The following BCL11B variants were observed in gnomAD, a reference collection of about 807,000 sequenced individuals.
BCL11B encodes BCL11 transcription factor B.
In BCL11B, 8 loss-of-function variants were observed where a neutral mutation model predicts 49.9. The observed-to-expected ratio is 0.16, with a 90% CI of 0.09 to 0.29. The LOEUF (loss-of-function observed/expected upper bound fraction) is 0.29, where lower values mean the gene tolerates loss of function less well. BCL11B is among the 10% of genes least tolerant of loss of function. The pLI, the probability that BCL11B is intolerant of heterozygous loss-of-function variation, is 1.00. For synonymous variants in BCL11B, 739 were observed against 637.4 expected (o/e 1.16, Z -2.40); for missense variants, 1,006 against 1,351.0 (o/e 0.74, Z 4.00).
Position 99,217,477 on chromosome 14 carries a change from C to T in BCL11B, c.640+13868G>A, listed in dbSNP as rs183043261. Among the ~76,000 whole-genome samples the T allele has an allele frequency of 7.4e-4, 113 of 151,926 alleles. 1 individual carries two copies. The highest frequency in any genetic ancestry group is 1.3e-3 in the Non-Finnish European group (90 of 67,986). The stretch of plus-strand genomic sequence containing the variant: ...ACCCTGGCAGAGGCAATGGGAAAAA[C>T]CAGGGAGAAAATTACATGAGGCAAT... On this transcript the variant is annotated intron_variant, in intron 3 of 3. Transcript: ENST00000357195.
intron 2 of BCL11B, among the ~76,000 whole-genome samples, chr14:99,237,799 G>C (rs754224900): frequency 2.0e-5 from 3 of 152,214 alleles, no homozygotes; most frequent in Admixed American, 2.0e-4. Flanking sequence ...GCGGCTAGCT[G>C]AAAGACAGCA....
chr14:99,231,702 G>T lies in BCL11B; in HGVS notation c.428-145C>A. ...CCCCCGGGGTGCCAGGCCCTGCAGG[G>T]AAGGCAATCGGGACACAGGCGAGGG... On this transcript the variant is annotated intron_variant, in intron 2 of 3. Coordinates refer to ENST00000357195, the MANE Select transcript of BCL11B (RefSeq NM_138576.4). This position sits in a 1 kb window ranked among gnomAD's most constrained non-coding sequence, Gnocchi z 8.1. The T allele has an allele frequency of 4.0e-6, 3 of 756,172 alleles. No individual in the cohort carries two copies. Among genetic ancestry groups the T allele is most frequent in the Non-Finnish European group, 6.2e-6 (3 of 483,858 alleles). 46.8% of individuals were successfully genotyped at this position (756,172 alleles called of 1,614,324 possible).
At chr14:99,191,981 A>AT (rs925855631) in intron 3 of BCL11B, among the ~76,000 whole-genome samples, 4 of 152,146 alleles carry the variant, frequency 2.6e-5, no homozygotes, top group Non-Finnish European at 4.4e-5. Context: ...AGCTTAAGTG[A>AT]TTTTTTTAAA....
chr14:99,271,300 G>T lies in BCL11B; in HGVS notation c.-82C>A. 1 of 818,284 alleles carries T rather than the reference G, an allele frequency of 1.2e-6. No homozygotes were observed. Among genetic ancestry groups the T allele is most frequent in the South Asian group, 5.2e-5 (1 of 19,062 alleles). The allele number at this position is 818,284 out of a possible 1,614,324, so 50.7% of individuals were successfully genotyped here. ...GGGAGGGGGTCCGAGCCGCCGCCGC[G>T]CCGCTGCCGCCGCTGCCGCCGCCGC... is the stretch of plus-strand genomic sequence containing the variant. On this transcript the variant is annotated 5_prime_UTR_variant, in exon 1 of 4. Transcript: ENST00000357195.
intron 1 of BCL11B, among the ~76,000 whole-genome samples, chr14:99,258,063 G>A (rs919449950): frequency 6.6e-6 from 1 of 152,176 alleles, no homozygotes; most frequent in African/African-American, 2.4e-5. Context: ...TGCCCCCTGG[G>A]CATTGCCACG....
At chr14:99,190,375 G>A (rs1390426610) in intron 3 of BCL11B, among the ~76,000 whole-genome samples, 1 of 152,240 alleles carries the variant, frequency 6.6e-6, no homozygotes, top group African/African-American at 2.4e-5. Context: ...TGTAGTCCCA[G>A]CTACCTGGGG....
At chr14:99,261,721 T>C (rs1406840139) in intron 1 of BCL11B, among the ~76,000 whole-genome samples, 2 of 152,204 alleles carry the variant, frequency 1.3e-5, no homozygotes, top group African/African-American at 4.8e-5. Context: ...CTCAATATAT[T>C]ATGAGCCGAA....
chr14:99,221,214 A>G (rs1457983164), intron 3 of BCL11B, among the ~76,000 whole-genome samples: 1 of 152,186 alleles, frequency 6.6e-6, no homozygotes, highest in Non-Finnish European at 1.5e-5. Context: ...AATAAAACCC[A>G]AGGAAATTCA....
chr14:99,175,207 C>A lies in BCL11B; in HGVS notation c.1629G>T (p.Glu543Asp). The A allele has an allele frequency of 1.8e-6, 2 of 1,113,108 alleles. No individual in the cohort carries two copies. Among genetic ancestry groups the A allele is most frequent in the African/African-American group, 1.6e-5 (1 of 61,978 alleles). 69.0% of individuals were successfully genotyped at this position (1,113,108 alleles called of 1,614,324 possible). The change falls in exon 4 of 4, where the codon GAG (glutamate) becomes GAT (aspartate). Residue 543 changes from glutamate (E) to aspartate (D), a missense_variant. Physicochemically the swap from Glu to Asp is conservative, Grantham distance 45. This residue lies in a region of BCL11B where 443 missense variants were observed against 499.7 expected (regional missense o/e 0.89). Transcript: ENST00000357195. ...GCCGGCTCTCGTTCTCCAGTAGCAG[C>A]TCCTCCTCCTCCTCCTCCTCCTCCT... ...EDEEEEEEEE[E>D]LLLENESRPE... is the part of the protein sequence containing the mutation.
intron 2 of BCL11B, among the ~76,000 whole-genome samples, chr14:99,249,382 T>A (rs1166148268): frequency 6.6e-6 from 1 of 152,204 alleles, no homozygotes; most frequent in Non-Finnish European, 1.5e-5. Flanking sequence ...TTGCTGCACC[T>A]ACCAACCCAT....
At chr14:99,255,582 T>C (rs888876559) in intron 2 of BCL11B, among the ~76,000 whole-genome samples, 7 of 152,130 alleles carry the variant, frequency 4.6e-5, no homozygotes, top group Non-Finnish European at 1.0e-4. Context: ...CAATGTGAAA[T>C]GAGGATTTGG....
Position 99,241,882 on chromosome 14 carries a change from G to A in BCL11B, c.428-10325C>T, listed in dbSNP as rs1310032935. ...TGGGCATGTGGTCAAAAGCAGGTAG[G>A]AAGCAAATGCTGAGAAATAAGGAAG... On this transcript the variant is annotated intron_variant, in intron 2 of 3. Coordinates refer to ENST00000357195, the MANE Select transcript of BCL11B (RefSeq NM_138576.4). The surrounding 1 kb of genome is among the most constrained non-coding windows in gnomAD (Gnocchi z 4.4). Among the ~76,000 whole-genome samples, 3 of 152,172 alleles carry A rather than the reference G, an allele frequency of 2.0e-5. No homozygotes were observed. The highest frequency in any genetic ancestry group is 4.4e-5 in the Non-Finnish European group (3 of 68,038).
chr14:99,247,685 TG>T lies in BCL11B; in HGVS notation c.427+9785del, dbSNP rs1444925071. On this transcript the variant is annotated intron_variant, in intron 2 of 3. Coordinates refer to ENST00000357195, the MANE Select transcript of BCL11B (RefSeq NM_138576.4). The surrounding 1 kb of genome is among the most constrained non-coding windows in gnomAD (Gnocchi z 4.5). Reference sequence around the variant, plus strand: ...GACGCGTGTTTTCTGGACACTCTTGTGGATTGGACGGATGGCTTCATCTGTG... The same window carrying T: ...GACGCGTGTTTTCTGGACACTCTTGTGATTGGACGGATGGCTTCATCTGTG... Among the ~76,000 whole-genome samples, 1 of 152,238 alleles carries T rather than the reference TG, an allele frequency of 6.6e-6. No individual in the cohort carries two copies. The highest frequency in any genetic ancestry group is 1.5e-5 in the Non-Finnish European group (1 of 68,034).
intron 2 of BCL11B, among the ~76,000 whole-genome samples, chr14:99,249,917 C>T (rs998431448): frequency 2.6e-5 from 4 of 151,950 alleles, no homozygotes; most frequent in Admixed American, 6.6e-5. Context: ...CACCTGAATA[C>T]AGGAGTTTGA....
chr14:99,206,260 T>C (rs149048526), intron 3 of BCL11B, among the ~76,000 whole-genome samples: 1 of 152,292 alleles, frequency 6.6e-6, no homozygotes, highest in East Asian at 1.9e-4. Context: ...TAAAGTTTTA[T>C]TGAAACAACA....
At chr14:99,180,702 G>C (rs1339176543) in intron 3 of BCL11B, among the ~76,000 whole-genome samples, 1 of 152,132 alleles carries the variant, frequency 6.6e-6, no homozygotes, top group Admixed American at 6.6e-5. Context: ...GTTACGATGG[G>C]GTTTGCACGT....
intron 2 of BCL11B, among the ~76,000 whole-genome samples, chr14:99,245,597 G>A (rs937180780): frequency 1.3e-5 from 2 of 152,214 alleles, no homozygotes; most frequent in Non-Finnish European, 2.9e-5. Context: ...CACTCATCAG[G>A]GCAATGGCGG....
intron 3 of BCL11B, among the ~76,000 whole-genome samples, chr14:99,191,144 T>C (rs1887017050): frequency 6.6e-6 from 1 of 152,138 alleles, no homozygotes; most frequent in Admixed American, 6.5e-5. Context: ...AACTGAGGGT[T>C]GTTTTGCCCC....
At position 99,175,582 on chromosome 14, in the gene BCL11B, C is replaced by A. The variant is rs370633683; in HGVS notation, c.1254G>T (p.Pro418=). The A allele has an allele frequency of 1.9e-6, 3 of 1,581,784 alleles. No homozygotes were observed. Among genetic ancestry groups the A allele is most frequent in the South Asian group, 2.3e-5 (2 of 88,140 alleles). The change falls in exon 4 of 4, where the codon CCG becomes CCT. Residue 418 remains proline (P), a synonymous_variant. Transcript: ENST00000357195. The part of the protein sequence containing the change: ...PLPPMPPGGT[P]PPQPPAKSKS... ...TGCTCTTGGCTGGCGGCTGCGGGGG[C>A]GGCGTGCCGCCAGGGGGCATGGGCG...
Sources: gnomAD v4.1 joint callset for allele counts (sites outside exome capture counted in the v4.1 genomes callset) on GRCh38, gnomAD v4.1.1 for gene constraint, gnomAD v4.1.1 regional missense constraint, Gnocchi (gnomAD v3.1) non-coding constraint, MANE v1.5 for transcripts, NCBI Gene and HGNC (gene_info 2026-07-23, HGNC 2026-07-21) for gene names.